The following PDE4D variants were observed in gnomAD, a reference collection of about 807,000 sequenced individuals.
The protein encoded by PDE4D is phosphodiesterase 4D.
PDE4D carries 24 observed loss-of-function variants against 87.4 expected under a neutral mutation model. The ratio of observed to expected loss-of-function variants is 0.27; its 90% confidence interval spans 0.20 to 0.39. PDE4D has a LOEUF of 0.39. Ranked by LOEUF, PDE4D falls within the 10% of genes least tolerant of loss-of-function variation. The pLI is 1.00. For synonymous variants in PDE4D, 384 were observed against 383.2 expected, an observed-to-expected ratio of 1.00 and a Z score of -0.02; for missense variants, 714 against 1,041.0, an observed-to-expected ratio of 0.69 and a Z score of 4.32.
chr5:59,891,992 C>T lies in PDE4D; in HGVS notation c.455+1176G>A, dbSNP rs1751024002. Among the ~76,000 whole-genome samples the T allele has an allele frequency of 1.3e-5, 2 of 152,284 alleles. 1 individual carries two copies. The highest frequency in any genetic ancestry group is 6.8e-3 in the Middle Eastern group (2 of 294). ...GAGGTGCAGTACATCGATGCCTGTCCACATCTAAGGTTAGATGACGACCCC... is the reference window on the plus strand; with the variant it reads ...GAGGTGCAGTACATCGATGCCTGTCTACATCTAAGGTTAGATGACGACCCC... On this transcript the variant is annotated intron_variant, in intron 1 of 14. Transcript: ENST00000340635.
intron 1 of PDE4D, among the ~76,000 whole-genome samples, chr5:60,502,867 A>G (rs1379152768): frequency 6.6e-6 from 1 of 152,182 alleles, no homozygotes; most frequent in Non-Finnish European, 1.5e-5. Context: ...TATCAGTTCT[A>G]TAACATAGTT....
At chr5:60,132,824 T>A (rs1195226026) in intron 2 of PDE4D, among the ~76,000 whole-genome samples, 1 of 151,944 alleles carries the variant, frequency 6.6e-6, no homozygotes, top group Non-Finnish European at 1.5e-5. Flanking sequence ...ACCACTGCAC[T>A]CCAGCCTGGG....
intron 2 of PDE4D, among the ~76,000 whole-genome samples, chr5:60,050,916 CA>C (rs1770061091): frequency 6.6e-6 from 1 of 151,990 alleles, no homozygotes; most frequent in South Asian, 2.1e-4. Flanking sequence ...GACTTTAAAC[CA>C]ACAAAGATCA....
At chr5:58,988,881 G>T (rs1173029582) in intron 10 of PDE4D, among the ~76,000 whole-genome samples, 2 of 151,908 alleles carry the variant, frequency 1.3e-5, no homozygotes, top group Non-Finnish European at 2.9e-5. Flanking sequence ...GAAAATAATA[G>T]TTTATTTTCT....
At chr5:60,108,686 A>G (rs1041043202) in intron 2 of PDE4D, among the ~76,000 whole-genome samples, 8 of 152,252 alleles carry the variant, frequency 5.3e-5, no homozygotes, top group Admixed American at 2.6e-4. Flanking sequence ...AACAGAACAG[A>G]GCCCTCAGAA....
At chr5:60,104,639 C>T (rs1041779217) in intron 2 of PDE4D, among the ~76,000 whole-genome samples, 38 of 152,314 alleles carry the variant, frequency 2.5e-4, no homozygotes, top group Middle Eastern at 3.4e-3. Flanking sequence ...ACACCACACA[C>T]GGCCAAGTAC....
intron 1 of PDE4D, among the ~76,000 whole-genome samples, chr5:59,329,305 GA>G (rs1338225218): frequency 6.6e-6 from 1 of 152,134 alleles, no homozygotes; most frequent in Non-Finnish European, 1.5e-5. Context: ...GGGAAATATA[GA>G]ACAGATGGGA....
rs1345542995 is a variant in PDE4D, at chr5:59,559,732, T to C, written c.455+333436A>G. On this transcript the variant is annotated intron_variant, in intron 1 of 14. Coordinates refer to ENST00000340635, the MANE Select transcript of PDE4D (RefSeq NM_001104631.2). ...AAAAGATTAAAAAAAAATGTTTTCC[T>C]AGGATTATACTGGAAATTTTGAGAA... is the stretch of plus-strand genomic sequence containing the variant. Among the ~76,000 whole-genome samples, 3 of 152,154 alleles carry C rather than the reference T, an allele frequency of 2.0e-5. No individual in the cohort carries two copies. In the East Asian group the frequency reaches 5.8e-4, roughly 29 times the overall value.
chr5:59,628,571 C>T (rs1038549403), intron 1 of PDE4D, among the ~76,000 whole-genome samples: 4 of 152,048 alleles, frequency 2.6e-5, no homozygotes, highest in African/African-American at 9.7e-5. Context: ...TGAGCCCTAA[C>T]CTCAAGCCAG....
intron 1 of PDE4D, among the ~76,000 whole-genome samples, chr5:60,233,459 A>C (rs1746047819): frequency 6.6e-6 from 1 of 151,830 alleles, no homozygotes; most frequent in Admixed American, 6.6e-5. Context: ...ATTTCAAAAA[A>C]TATTTTTAAA....
intron 1 of PDE4D, among the ~76,000 whole-genome samples, chr5:59,257,792 G>T (rs562787211): frequency 6.6e-6 from 1 of 151,988 alleles, no homozygotes; most frequent in Non-Finnish European, 1.5e-5. Flanking sequence ...AAAGAGAAGG[G>T]ATTTACAGCA....
At chr5:60,415,812 C>T (rs886660393) in intron 1 of PDE4D, among the ~76,000 whole-genome samples, 45 of 152,248 alleles carry the variant, frequency 3.0e-4, no homozygotes, top group Non-Finnish European at 5.1e-4. Flanking sequence ...GCGTAGGGCG[C>T]GGGACTGGCA....
intron 1 of PDE4D, among the ~76,000 whole-genome samples, chr5:60,393,081 T>C (rs1762660277): frequency 6.6e-6 from 1 of 152,222 alleles, no homozygotes; most frequent in Non-Finnish European, 1.5e-5. Flanking sequence ...TCTGATGGAC[T>C]TTTTTTGAAG....
At chr5:59,490,131 T>G (rs1369632735) in intron 1 of PDE4D, among the ~76,000 whole-genome samples, 1 of 152,224 alleles carries the variant, frequency 6.6e-6, no homozygotes, top group Non-Finnish European at 1.5e-5. Flanking sequence ...TACAATTATC[T>G]CATTTTACAA....
intron 5 of PDE4D, among the ~76,000 whole-genome samples, chr5:59,170,881 CTTTTT>C (rs1260829199): frequency 7.2e-6 from 1 of 138,548 alleles, no homozygotes; most frequent in Non-Finnish European, 1.6e-5. Context: ...TATACTTTCA[CTTTTT>C]TTTTTTTTTT....
chr5:59,346,759 C>T (rs986457809), intron 1 of PDE4D, among the ~76,000 whole-genome samples: 3 of 152,120 alleles, frequency 2.0e-5, no homozygotes, highest in African/African-American at 7.2e-5. Context: ...GTGGCAGTGC[C>T]ACTGAGGACC....
chr5:59,124,476 G>A (rs554657649), intron 5 of PDE4D, among the ~76,000 whole-genome samples: 24 of 152,118 alleles, frequency 1.6e-4, no homozygotes, highest in African/African-American at 3.6e-4. Context: ...ACTGCATTTC[G>A]CCCTGATAAT....
At chr5:60,111,721 G>A (rs1448385666) in intron 2 of PDE4D, among the ~76,000 whole-genome samples, 2 of 151,976 alleles carry the variant, frequency 1.3e-5, no homozygotes, top group East Asian at 3.9e-4. Flanking sequence ...ACACAGGAAT[G>A]TTACTAGGTT....
chr5:59,549,357 G>A (rs965430646), intron 1 of PDE4D, among the ~76,000 whole-genome samples: 23 of 152,242 alleles, frequency 1.5e-4, no homozygotes, highest in African/African-American at 2.4e-4. Flanking sequence ...TTTGTTGTAC[G>A]TTATCATTTT....
Sources: allele counts gnomAD v4.1 joint callset (sites outside exome capture counted in the v4.1 genomes callset), GRCh38; gene constraint gnomAD v4.1.1; transcripts MANE v1.5; gene names NCBI Gene and HGNC (gene_info 2026-07-23, HGNC 2026-07-21).